Variants in PLEC observed in about 807,000 individuals in gnomAD.
PLEC encodes plectin, also known as hemidesmosomal protein 1.
PLEC carries 216 observed loss-of-function variants against 392.8 expected under a neutral mutation model. The observed-to-expected ratio is 0.55, with a 90% confidence interval of 0.49 to 0.62. The LOEUF (loss-of-function observed/expected upper bound fraction) is 0.62. Ranked by LOEUF, PLEC falls within the 20% of genes least tolerant of loss-of-function variation. The pLI, the probability that PLEC is intolerant of heterozygous loss-of-function variation, is 0.00. For missense variants in PLEC, 6,863 were observed against 6,563.4 expected, an observed-to-expected ratio of 1.05 and a Z score of -1.58; for synonymous variants, 3,621 against 2,980.6, an observed-to-expected ratio of 1.21 and a Z score of -7.00.
upstream of PLEC, among the ~76,000 whole-genome samples, chr8:143,976,182 A>C (rs1236869340): frequency 6.6e-6 from 1 of 151,988 alleles, no homozygotes; most frequent in Non-Finnish European, 1.5e-5. Context: ...CCAGCGGCCC[A>C]CAGTGGGGGC....
At chr8:143,938,027 A>T (rs1829509059) in intron 3 of PLEC, 124 bp downstream of exon 3, 1 of 705,542 alleles carries the variant, frequency 1.4e-6, no homozygotes, top group Non-Finnish European at 2.5e-6. Flanking sequence ...CCCAGGGAGA[A>T]GGCAGGAGGG....
chr8:143,938,405 G>C (rs1554725508), intron 2 of PLEC, 165 bp from the exon 3 acceptor site: 2 of 1,535,724 alleles, frequency 1.3e-6, no homozygotes, highest in South Asian at 1.2e-5. Flanking sequence ...ACCTACCTCT[G>C]CCCGCCAGTG....
In PLEC at chr8:143,939,538, C is replaced by T. The variant is rs1587244084; in HGVS notation, c.-77G>A. ...TGGGCAGCCCCGTGTGGCACACAGG[C>T]AGCTGAAGGCTGGCGGCCCCACGAG... is the stretch of plus-strand genomic sequence containing the variant. On this transcript the variant is annotated 5_prime_UTR_variant, in exon 1 of 32. Coordinates refer to ENST00000345136, the MANE Select transcript of PLEC (RefSeq NM_201384.3). The T allele has an allele frequency of 6.5e-7, 1 of 1,547,232 alleles. No individual in the cohort carries two copies. The highest frequency in any genetic ancestry group is 8.7e-7 in the Non-Finnish European group (1 of 1,147,910).
rs782051668 is a variant in PLEC, at chr8:143,922,543, G to C, written c.7386C>G (p.Leu2462=). The C allele has an allele frequency of 1.2e-6, 2 of 1,612,672 alleles. No homozygotes were observed. Among genetic ancestry groups the C allele is most frequent in the East Asian group, 4.5e-5 (2 of 44,874 alleles). Residue 2462 remains leucine (L), a synonymous_variant, in exon 31 of 32, where the codon CTC becomes CTG. Transcript: ENST00000345136. ...GCTGCAGCAGTTTGGCCTCCTGTTG[G>C]AGCTTCTCCTTCTCACGCTCCAGCT... ...IAELEREKEK[L]QQEAKLLQLK...
Position 143,923,842 on chromosome 8 carries a change from C to G in PLEC, c.6087G>C (p.Glu2029Asp). The change falls in exon 31 of 32, where the codon GAG becomes GAC. Residue 2029 changes from glutamate to aspartate, a missense_variant. By Grantham distance (45) the Glu-to-Asp change is conservative. Coordinates refer to ENST00000345136, the MANE Select transcript of PLEC (RefSeq NM_201384.3). ...EEARRLRERA[E>D]QESARQLQLA... is the part of the protein sequence containing the mutation. ...GCTGCAGCTGCCGCGCCGACTCCTG[C>G]TCCGCTCGCTCCCGCAGGCGCCGCG... is the stretch of plus-strand genomic sequence containing the variant. 6.3e-7 allele frequency: 1 copy of G among 1,588,840 alleles called. No individual in the cohort carries two copies. The highest frequency in any genetic ancestry group is 8.5e-7 in the Non-Finnish European group (1 of 1,175,414).
chr8:143,945,358 C>G, intron 1 of PLEC: 1 of 350,070 alleles, frequency 2.9e-6, no homozygotes, highest in South Asian at 2.1e-5. Flanking sequence ...CCAGGAGTCC[C>G]GAAGCCCTGC....
At position 143,935,417 on chromosome 8, in the gene PLEC, A is replaced by AC. The variant is rs201095551; in HGVS notation, c.603-105dup. The AC allele has an allele frequency of 3.4e-4, 262 of 778,694 alleles. 1 individual carries two copies. Among genetic ancestry groups the AC allele is most frequent in the African/African-American group, 2.0e-3 (116 of 58,710 alleles). The allele number at this position is 778,694 out of a possible 1,614,324, so 48.2% of individuals were successfully genotyped here. A position where few individuals can be genotyped will look rare whatever the true frequency, so the allele number is the denominator to read the frequency against. ...TCCTCACACATCCCAGCAACCATGGACCCCCCCAACACTCACCCTGAAAAA... is the reference window on the plus strand; with the variant it reads ...TCCTCACACATCCCAGCAACCATGGACCCCCCCCAACACTCACCCTGAAAAA... On this transcript the variant is annotated intron_variant, in intron 6 of 31. Transcript: ENST00000345136.
chr8:143,973,157 G>GCCCGCGGCCCACCCCACCCA lies in PLEC; in HGVS notation c.70+226_70+245dup. Among the ~76,000 whole-genome samples, 1 of 151,124 alleles carries GCCCGCGGCCCACCCCACCCA rather than the reference G, an allele frequency of 6.6e-6. No homozygotes were observed. Reference sequence around the variant, plus strand: ...CGACAAGCCCTGAGCGCCCCCACCCGCCCGCGGCCCACCCCACCCACCCGA... The same window carrying GCCCGCGGCCCACCCCACCCA: ...CGACAAGCCCTGAGCGCCCCCACCCGCCCGCGGCCCACCCCACCCACCCGCGGCCCACCCCACCCACCCGA... On this transcript the variant is annotated intron_variant, in intron 1 of 31. Transcript: ENST00000356346. The surrounding 1 kb of genome is among the most constrained non-coding windows in gnomAD (Gnocchi z 5.6).
At position 143,930,316 on chromosome 8, in the gene PLEC, G is replaced by T; in HGVS notation, c.2458-18C>A. 1 of 1,597,812 alleles carries T rather than the reference G, an allele frequency of 6.3e-7. No individual in the cohort carries two copies. ...ACAGTCACCTGGGACGGGCAGAGTC[G>T]GTGAGGACATGGCCACACCCTGCCC... On this transcript the variant is annotated intron_variant, in intron 20 of 31. Coordinates refer to ENST00000345136, the MANE Select transcript of PLEC (RefSeq NM_201384.3).
chr8:143,922,215 G>C lies in PLEC; in HGVS notation c.7606C>G (p.Arg2536Gly). The C allele has an allele frequency of 1.9e-6, 3 of 1,563,976 alleles. No homozygotes were observed. Among genetic ancestry groups the C allele is most frequent in the Non-Finnish European group, 2.6e-6 (3 of 1,158,086 alleles). The change falls in exon 32 of 32, where the codon CGG (arginine) becomes GGG (glycine). Residue 2536 changes from arginine (R) to glycine (G), a missense_variant. Transcript: ENST00000345136. ...TCCTGCTCCATCTGCTGCTGCTGCC[G>C]CTGCTGCTCCTCACGCAGCTGCTGT... Reference protein sequence around the residue: ...KAQQLREEQQRQQQQMEQERQ... With the variant: ...KAQQLREEQQGQQQQMEQERQ...
intron 1 of PLEC, among the ~76,000 whole-genome samples, chr8:143,949,889 G>A (rs1587355517): frequency 6.6e-6 from 1 of 152,164 alleles, no homozygotes; most frequent in African/African-American, 2.4e-5. Context: ...CGGAGGGGGC[G>A]AAGGCAAGGG....
rs1435787941 is a variant in PLEC, at chr8:143,926,828, T to C, written c.4000A>G (p.Ile1334Val). ...SELTTLTSQY[I>V]KFISETLRRM... is the part of the protein sequence containing the mutation. ...CGCAGAGTCTCGCTGATGAACTTGATGTACTGGCTCGTCAGTGTGGTCAGC... is the reference window on the plus strand; with the variant it reads ...CGCAGAGTCTCGCTGATGAACTTGACGTACTGGCTCGTCAGTGTGGTCAGC... The change falls in exon 30 of 32, where the codon ATC becomes GTC. Residue 1334 changes from isoleucine (I) to valine (V), a missense_variant. Physicochemically the swap from Ile to Val is conservative, Grantham distance 29. Transcript: ENST00000345136. 4 of 1,613,894 alleles carry C rather than the reference T, an allele frequency of 2.5e-6. No homozygotes were observed. In the Admixed American group the frequency reaches 5.0e-5, roughly 20 times the overall value.
chr8:143,970,494 C>A (rs1238956033), intron 1 of PLEC, among the ~76,000 whole-genome samples: 1 of 152,080 alleles, frequency 6.6e-6, no homozygotes, highest in African/African-American at 2.4e-5. Flanking sequence ...CATGTCAGTA[C>A]CAATTAGGTT....
chr8:143,919,112 G>C lies in PLEC; in HGVS notation c.10709C>G (p.Thr3570Arg), dbSNP rs1554677194. 3 of 1,612,818 alleles carry C rather than the reference G, an allele frequency of 1.9e-6. No individual in the cohort carries two copies. The East Asian group carries it at 6.7e-5, about 36-fold the overall frequency. ...EEETRRAFEE[T>R]QIDIPGGGSH... ...GCCGCCGCCGGGAATGTCGATCTGTGTCTCTTCAAATGCCCTTCTTGTCTC... is the reference window on the plus strand; with the variant it reads ...GCCGCCGCCGGGAATGTCGATCTGTCTCTCTTCAAATGCCCTTCTTGTCTC... The change falls in exon 32 of 32, where the codon ACA becomes AGA. Residue 3570 changes from threonine (T) to arginine (R), a missense_variant. Coordinates refer to ENST00000345136, the MANE Select transcript of PLEC (RefSeq NM_201384.3).
rs1821038184 is a variant in PLEC, at chr8:143,917,724, G to A, written c.12097C>T (p.Leu4033=). 2.0e-5 allele frequency: 32 copies of A among 1,613,536 alleles called. No homozygotes were observed. The highest frequency in any genetic ancestry group is 2.6e-5 in the Non-Finnish European group (31 of 1,180,030). ...CGGATGCCATGGTCCTTCAGGATCA[G>A]GCCCTTCTTCATGGCCTGGAAGAGG... is the stretch of plus-strand genomic sequence containing the variant. ...ISLFQAMKKG[L]ILKDHGIRLL... Residue 4033 remains leucine (L), a synonymous_variant, in exon 32 of 32, where the codon CTG becomes TTG. Coordinates refer to ENST00000345136, the MANE Select transcript of PLEC (RefSeq NM_201384.3).
chr8:143,940,039 G>A (rs1474017256), upstream of PLEC, among the ~76,000 whole-genome samples: 1 of 152,208 alleles, frequency 6.6e-6, no homozygotes, highest in Non-Finnish European at 1.5e-5. Context: ...TCAAGAAGCC[G>A]CTGATACCTG....
In PLEC at chr8:143,930,556, T is replaced by G; in HGVS notation, c.2305-20A>C. 1 of 1,572,228 alleles carries G rather than the reference T, an allele frequency of 6.4e-7. No homozygotes were observed. Among genetic ancestry groups the G allele is most frequent in the Non-Finnish European group, 8.6e-7 (1 of 1,159,328 alleles). ...CTCGTCCTGTGGGGGAGGGGCAGCA[T>G]CCAGACGAGGGCCATGGAGACCCAC... On this transcript the variant is annotated intron_variant, in intron 19 of 31. Coordinates refer to ENST00000345136, the MANE Select transcript of PLEC (RefSeq NM_201384.3).
At position 143,933,214 on chromosome 8, in the gene PLEC, G is replaced by C. The variant is rs782306976; in HGVS notation, c.1401C>G (p.Gly467=). Residue 467 remains glycine, a synonymous_variant, in exon 13 of 32, where the codon GGC becomes GGG. Coordinates refer to ENST00000345136, the MANE Select transcript of PLEC (RefSeq NM_201384.3). Reference sequence around the variant, plus strand: ...GGGCCCACCTGCGGTACATCTGCTCGCCCTGCGGGTGCCGTCCATCCTTGA... The same window carrying C: ...GGGCCCACCTGCGGTACATCTGCTCCCCCTGCGGGTGCCGTCCATCCTTGA... ...QTLKDGRHPQ[G]EQMYRRVYRL... The C allele has an allele frequency of 6.2e-7, 1 of 1,612,656 alleles. No homozygotes were observed.
chr8:143,938,035 G>A, intron 3 of PLEC, 116 bp downstream of exon 3: 1 of 731,140 alleles, frequency 1.4e-6, no homozygotes, highest in Non-Finnish European at 2.4e-6. Context: ...GAAGGCAGGA[G>A]GGGTTGAGCT....
Sources: allele counts gnomAD v4.1 joint callset (sites outside exome capture counted in the v4.1 genomes callset), GRCh38; gene constraint gnomAD v4.1.1; non-coding constraint Gnocchi (gnomAD v3.1); transcripts MANE v1.5; gene names NCBI Gene and HGNC (gene_info 2026-07-23, HGNC 2026-07-21).